The following PTCHD4 variants were observed in gnomAD, a reference collection of about 807,000 sequenced individuals.
PTCHD4 encodes the protein patched domain-containing protein 4.
Under a neutral mutation model 58.1 loss-of-function variants are expected in PTCHD4, and 33 were observed. The ratio of observed to expected loss-of-function variants is 0.57; its 90% CI spans 0.43 to 0.76. The LOEUF (loss-of-function observed/expected upper bound fraction) is 0.76, where lower values mean the gene tolerates loss of function less well. Among genes scored for constraint, PTCHD4 ranks in the 30% least tolerant of loss-of-function variants. The pLI, the probability that PTCHD4 is intolerant of heterozygous loss-of-function variation, is 0.00. For missense variants in PTCHD4, 1,058 were observed against 1,027.1 expected (o/e 1.03, Z -0.41); for synonymous variants, 478 against 409.6 (o/e 1.17, Z -2.02).
At chr6:48,015,633 C>T (rs972849600) in intron 3 of PTCHD4, among the ~76,000 whole-genome samples, 1 of 152,000 alleles carries the variant, frequency 6.6e-6, no homozygotes, top group Admixed American at 6.6e-5. Flanking sequence ...ATTTGACCCA[C>T]AAGACCTAAA....
chr6:48,073,383 A>G (rs544258248), intron 1 of PTCHD4, among the ~76,000 whole-genome samples: 1 of 152,238 alleles, frequency 6.6e-6, no homozygotes, highest in Non-Finnish European at 1.5e-5. Context: ...TGTTTTAAAT[A>G]AGACACCTAA....
intron 3 of PTCHD4, among the ~76,000 whole-genome samples, chr6:48,059,318 G>A (rs977167973): frequency 6.6e-6 from 1 of 152,154 alleles, no homozygotes; most frequent in East Asian, 1.9e-4. Flanking sequence ...TGTAAGGTAA[G>A]GGCTATTATG....
At chr6:47,956,022 C>G (rs1311586737) in intron 4 of PTCHD4, among the ~76,000 whole-genome samples, 1 of 152,162 alleles carries the variant, frequency 6.6e-6, no homozygotes, top group Non-Finnish European at 1.5e-5. Context: ...TTCTTGACAT[C>G]TAGGAAAGTA....
intron 4 of PTCHD4, among the ~76,000 whole-genome samples, chr6:47,928,248 C>T (rs920469776): frequency 4.6e-5 from 7 of 152,172 alleles, no homozygotes; most frequent in African/African-American, 1.7e-4. Context: ...AGGAGCATCC[C>T]TTATCTAAGA....
chr6:47,923,173 A>C (rs1196114552), intron 4 of PTCHD4, among the ~76,000 whole-genome samples: 2 of 152,228 alleles, frequency 1.3e-5, no homozygotes, highest in Non-Finnish European at 2.9e-5. Flanking sequence ...GTTATCATAA[A>C]AATAACATTT....
At chr6:48,085,876 T>A (rs1765253829) in intron 1 of PTCHD4, among the ~76,000 whole-genome samples, 1 of 152,202 alleles carries the variant, frequency 6.6e-6, no homozygotes, top group South Asian at 2.1e-4. Flanking sequence ...AATATTTTAT[T>A]CTTTTAGCTG....
chr6:48,009,909 C>T (rs1033639550), intron 3 of PTCHD4, among the ~76,000 whole-genome samples: 2 of 152,090 alleles, frequency 1.3e-5, no homozygotes, highest in African/African-American at 2.4e-5. Flanking sequence ...TAGGCAAGAT[C>T]ATGAGAGTAG....
At chr6:47,908,080 T>A (rs953693109) in intron 4 of PTCHD4, among the ~76,000 whole-genome samples, 2 of 152,092 alleles carry the variant, frequency 1.3e-5, no homozygotes, top group African/African-American at 4.8e-5. Flanking sequence ...AAGCTATGGA[T>A]TGGCCCCTGA....
chr6:48,070,930 C>T (rs1406798521), intron 1 of PTCHD4, among the ~76,000 whole-genome samples: 3 of 152,114 alleles, frequency 2.0e-5, no homozygotes, highest in East Asian at 1.9e-4. Flanking sequence ...ATATCCTCTA[C>T]GTTAAATTTT....
chr6:47,973,696 CTACTAGTGGT>C (rs1181515226), intron 4 of PTCHD4, among the ~76,000 whole-genome samples: 1 of 152,204 alleles, frequency 6.6e-6, no homozygotes, highest in Non-Finnish European at 1.5e-5. Flanking sequence ...ACTTTAACCA[CTACTAGTGGT>C]TAACTGCAGC....
intron 4 of PTCHD4, among the ~76,000 whole-genome samples, chr6:47,999,626 G>A (rs746005080): frequency 1.3e-5 from 2 of 152,154 alleles, no homozygotes; most frequent in Non-Finnish European, 2.9e-5. Context: ...AAATAGACGT[G>A]CACAACGCAG....
rs77180008 is a variant in PTCHD4 at position 47,969,922 on chromosome 6, T to C, written c.898+38712A>G. On this transcript the variant is annotated intron_variant, in intron 4 of 4. Coordinates refer to ENST00000339488, the MANE Select transcript of PTCHD4 (RefSeq NM_001384253.1). ...TCCAAATAATAAACTGTGAATCAAA[T>C]ACCGTCAAATATAACCAAAGTAAAT... is the stretch of plus-strand genomic sequence containing the variant. Among the ~76,000 whole-genome samples the C allele has an allele frequency of 4.3e-3, 655 of 152,194 alleles. 7 individuals carry two copies. Among genetic ancestry groups the C allele is most frequent in the African/African-American group, 0.015 (625 of 41,534 alleles).
intron 3 of PTCHD4, among the ~76,000 whole-genome samples, chr6:48,009,413 A>G (rs576303056): frequency 6.6e-5 from 10 of 152,218 alleles, no homozygotes; most frequent in Non-Finnish European, 1.5e-4. Context: ...GATTCCCAAC[A>G]TTTCCTTTTG....
At chr6:47,921,042 A>AAAAC (rs200837043) in intron 4 of PTCHD4, among the ~76,000 whole-genome samples, 10 of 152,302 alleles carry the variant, frequency 6.6e-5, no homozygotes, top group Admixed American at 1.3e-4. Flanking sequence ...GACATCGATT[A>AAAAC]AAACAAACAA....
intron 1 of PTCHD4, among the ~76,000 whole-genome samples, chr6:48,107,780 A>T (rs907574899): frequency 1.3e-5 from 2 of 152,246 alleles, no homozygotes; most frequent in African/African-American, 4.8e-5. Context: ...CCCGTCAAAA[A>T]GTGGGCAAAG....
chr6:47,982,086 C>T (rs1767901214), intron 4 of PTCHD4, among the ~76,000 whole-genome samples: 1 of 152,152 alleles, frequency 6.6e-6, no homozygotes, highest in Non-Finnish European at 1.5e-5. Flanking sequence ...TCCAGCCTGA[C>T]ATAAATCTAA....
At chr6:47,909,693 T>C (rs1765007567) in intron 4 of PTCHD4, among the ~76,000 whole-genome samples, 1 of 152,098 alleles carries the variant, frequency 6.6e-6, no homozygotes, top group Non-Finnish European at 1.5e-5. Context: ...TCCTTCTGCC[T>C]TGGCCTCCAA....
intron 3 of PTCHD4, among the ~76,000 whole-genome samples, chr6:48,055,041 A>G (rs1173874156): frequency 6.6e-6 from 1 of 152,130 alleles, no homozygotes; most frequent in Non-Finnish European, 1.5e-5. Context: ...GTAAGTGGAG[A>G]TATTTGATTC....
intron 4 of PTCHD4, among the ~76,000 whole-genome samples, chr6:47,909,581 A>G (rs1289417793): frequency 1.3e-5 from 2 of 152,048 alleles, no homozygotes; most frequent in African/African-American, 2.4e-5. Flanking sequence ...TTGAGTAACT[A>G]GAACTACCAC....
Sources: allele counts gnomAD v4.1 joint callset (sites outside exome capture counted in the v4.1 genomes callset), GRCh38; gene constraint gnomAD v4.1.1; transcripts MANE v1.5; gene names NCBI Gene and HGNC (gene_info 2026-07-23, HGNC 2026-07-21).